PCDHGA11: variants seen among roughly 807,000 people sequenced by gnomAD.
PCDHGA11 encodes protocadherin gamma subfamily A, 11, also known as protocadherin gamma-A11.
In PCDHGA11, 39 loss-of-function variants were observed where a neutral mutation model predicts 60.4. The ratio of observed to expected loss-of-function variants is 0.65; its 90% CI spans 0.50 to 0.84. The LOEUF is 0.84. Among genes scored for constraint, PCDHGA11 ranks in the 40% least tolerant of loss-of-function variants. The pLI, the probability that PCDHGA11 is intolerant of heterozygous loss-of-function variation, is 0.00. For synonymous variants in PCDHGA11, 533 were observed against 510.3 expected (o/e 1.04, Z -0.60); for missense variants, 1,165 against 1,197.7 (o/e 0.97, Z 0.40).
At chr5:141,502,534 C>T (rs565889110) in intron 2 of PCDHGA11, among the ~76,000 whole-genome samples, 10 of 152,074 alleles carry the variant, frequency 6.6e-5, no homozygotes, top group Non-Finnish European at 1.0e-4. Context: ...CGAGTTTGTT[C>T]GTGTGGTAAA....
rs2099698809 is a variant in PCDHGA11 at position 141,490,343 on chromosome 5, T to C, written c.2434-4464T>C. On this transcript the variant is annotated intron_variant, in intron 1 of 3. Transcript: ENST00000398587. This position sits in a 1 kb window ranked among gnomAD's most constrained non-coding sequence, Gnocchi z 5.4. ...CTAGAGAGCACACCAGTGGGCACAG[T>C]AGTGGGGTTGTTTAATGTGCGAGAC... The C allele has an allele frequency of 6.2e-7, 1 of 1,614,018 alleles. No individual in the cohort carries two copies. Among genetic ancestry groups the C allele is most frequent in the Admixed American group, 1.7e-5 (1 of 60,006 alleles).
At chr5:141,426,010 C>T (rs2096909211) in intron 1 of PCDHGA11, among the ~76,000 whole-genome samples, 1 of 152,178 alleles carries the variant, frequency 6.6e-6, no homozygotes, top group Non-Finnish European at 1.5e-5. Flanking sequence ...CTTCCGGCTG[C>T]AGTTTTCTAA....
chr5:141,465,454 T>A (rs1031876441), intron 1 of PCDHGA11, among the ~76,000 whole-genome samples: 1 of 152,184 alleles, frequency 6.6e-6, no homozygotes, highest in Non-Finnish European at 1.5e-5. Flanking sequence ...AAGAAAACTC[T>A]CACCAAATTG....
At chr5:141,488,438 C>T (rs2099675393) in intron 1 of PCDHGA11, among the ~76,000 whole-genome samples, 1 of 152,146 alleles carries the variant, frequency 6.6e-6, no homozygotes, top group African/African-American at 2.4e-5. Flanking sequence ...CTCTGACCAC[C>T]CTCCTGGGTG....
Position 141,511,201 on chromosome 5 carries a change from G to A in PCDHGA11, c.*28G>A, listed in dbSNP as rs2099883661. On this transcript the variant is annotated 3_prime_UTR_variant, in exon 4 of 4. Transcript: ENST00000398587. ...TGGAGGCCAGGCCAAGAGCCACAGG[G>A]CGGCCTCTCCCCAACCAGCCCAGCT... 2 of 1,612,600 alleles carry A rather than the reference G, an allele frequency of 1.2e-6. No homozygotes were observed. The highest frequency in any genetic ancestry group is 1.7e-6 in the Non-Finnish European group (2 of 1,179,344).
chr5:141,481,434 A>C (rs1374254063), intron 1 of PCDHGA11, among the ~76,000 whole-genome samples: 1 of 152,256 alleles, frequency 6.6e-6, no homozygotes, highest in East Asian at 1.9e-4. Context: ...TGATTGTATC[A>C]GTTTAGTACA....
intron 1 of PCDHGA11, among the ~76,000 whole-genome samples, chr5:141,437,490 A>C (rs549866784): frequency 6.6e-6 from 1 of 152,190 alleles, no homozygotes; most frequent in African/African-American, 2.4e-5. Flanking sequence ...AATCTCGTAG[A>C]TCACTTTTCA....
chr5:141,454,101 A>T (rs2098781558), intron 1 of PCDHGA11, among the ~76,000 whole-genome samples: 1 of 152,256 alleles, frequency 6.6e-6, no homozygotes. Flanking sequence ...ATTGAACATA[A>T]ATGGAGTTAT....
Position 141,423,250 on chromosome 5 carries a change from G to T in PCDHGA11, c.2023G>T (p.Asp675Tyr). 6.2e-7 allele frequency: 1 copy of T among 1,613,954 alleles called. No individual in the cohort carries two copies. Among genetic ancestry groups the T allele is most frequent in the Non-Finnish European group, 8.5e-7 (1 of 1,180,012 alleles). Reference sequence around the variant, plus strand: ...CGACAGCATCCCCGAAGTCCTGGCGGACCTCGGCAGCCTCGAGTCTCTGGC... The same window carrying T: ...CGACAGCATCCCCGAAGTCCTGGCGTACCTCGGCAGCCTCGAGTCTCTGGC... ...VADSIPEVLADLGSLESLANS... is the reference protein window; with the variant it reads ...VADSIPEVLAYLGSLESLANS... The change falls in exon 1 of 4, where the codon GAC becomes TAC. Residue 675 changes from aspartate (D) to tyrosine (Y), a missense_variant. Coordinates refer to ENST00000398587, the MANE Select transcript of PCDHGA11 (RefSeq NM_018914.3).
chr5:141,467,095 C>G (rs930625426), intron 1 of PCDHGA11, among the ~76,000 whole-genome samples: 2 of 150,094 alleles, frequency 1.3e-5, no homozygotes, highest in African/African-American at 4.9e-5. Context: ...CTCTGTCACA[C>G]AGGCTGGAGT....
rs73280920 is a variant in PCDHGA11 at position 141,453,809 on chromosome 5, A to G, written c.2433+30149A>G. Among the ~76,000 whole-genome samples, 1,254 of 152,338 alleles carry G rather than the reference A, an allele frequency of 8.2e-3. 17 individuals carry two copies. Among genetic ancestry groups the G allele is most frequent in the African/African-American group, 0.029 (1,191 of 41,572 alleles). On this transcript the variant is annotated intron_variant, in intron 1 of 3. Coordinates refer to ENST00000398587, the MANE Select transcript of PCDHGA11 (RefSeq NM_018914.3). ...GTATATTAACTTTGAGTAGTTCCATAAAGGACAAACTTGGCTGCTAGCCCT... is the reference window on the plus strand; with the variant it reads ...GTATATTAACTTTGAGTAGTTCCATGAAGGACAAACTTGGCTGCTAGCCCT...
intron 1 of PCDHGA11, among the ~76,000 whole-genome samples, chr5:141,483,611 A>G (rs2099583566): frequency 6.6e-6 from 1 of 151,952 alleles, no homozygotes; most frequent in South Asian, 2.1e-4. Context: ...TTACACCTCC[A>G]TCATTCCCAT....
Position 141,489,826 on chromosome 5 carries a change from C to T in PCDHGA11, c.2434-4981C>T, listed in dbSNP as rs1270077118. 1 of 1,614,186 alleles carries T rather than the reference C, an allele frequency of 6.2e-7. No individual in the cohort carries two copies. The highest frequency in any genetic ancestry group is 1.7e-5 in the Admixed American group (1 of 60,028). On this transcript the variant is annotated intron_variant, in intron 1 of 3. Coordinates refer to ENST00000398587, the MANE Select transcript of PCDHGA11 (RefSeq NM_018914.3). The surrounding 1 kb of genome is among the most constrained non-coding windows in gnomAD (Gnocchi z 4.5). ...TGGGAAGCCATTCCCAGAGCTGGTGCTAGAGCAGCAGCTGGATCGTGAAGC... is the reference window on the plus strand; with the variant it reads ...TGGGAAGCCATTCCCAGAGCTGGTGTTAGAGCAGCAGCTGGATCGTGAAGC...
chr5:141,430,881 A>G, intron 1 of PCDHGA11: 4 of 1,600,896 alleles, frequency 2.5e-6, no homozygotes, highest in Non-Finnish European at 3.4e-6. Flanking sequence ...GAGCTGGAGA[A>G]AGGCTCTAGG....
At position 141,489,599 on chromosome 5, in the gene PCDHGA11, A is replaced by T; in HGVS notation, c.2434-5208A>T. The T allele has an allele frequency of 6.2e-7, 1 of 1,614,020 alleles. No homozygotes were observed. The highest frequency in any genetic ancestry group is 8.5e-7 in the Non-Finnish European group (1 of 1,179,970). On this transcript the variant is annotated intron_variant, in intron 1 of 3. Coordinates refer to ENST00000398587, the MANE Select transcript of PCDHGA11 (RefSeq NM_018914.3). This position sits in a 1 kb window ranked among gnomAD's most constrained non-coding sequence, Gnocchi z 4.5. ...CACCCCCTGGAGCTAATCCGTGTAGAGGTAGAGATCCTGGATCTCAATGAC... is the reference window on the plus strand; with the variant it reads ...CACCCCCTGGAGCTAATCCGTGTAGTGGTAGAGATCCTGGATCTCAATGAC...
intron 1 of PCDHGA11, among the ~76,000 whole-genome samples, chr5:141,483,310 A>G (rs2099579870): frequency 6.6e-6 from 1 of 152,156 alleles, no homozygotes; most frequent in African/African-American, 2.4e-5. Context: ...GACTGGGGAC[A>G]TTGGGACTGG....
At chr5:141,447,773 T>C (rs2098551408) in intron 1 of PCDHGA11, among the ~76,000 whole-genome samples, 1 of 152,202 alleles carries the variant, frequency 6.6e-6, no homozygotes, top group African/African-American at 2.4e-5. Context: ...AATTATACTT[T>C]AATTGAAAAT....
chr5:141,438,591 C>CATATATATATAT (rs946798767), intron 1 of PCDHGA11, among the ~76,000 whole-genome samples: 3 of 75,560 alleles, frequency 4.0e-5, no homozygotes, highest in Non-Finnish European at 5.4e-5. Flanking sequence ...TACATACATA[C>CATATATATATAT]ATATATATAT....
intron 1 of PCDHGA11, chr5:141,478,679 C>T (rs1247027395): frequency 3.2e-6 from 5 of 1,551,382 alleles, no homozygotes; most frequent in East Asian, 2.4e-5. Flanking sequence ...TCAACTGGCC[C>T]TTCCTAGATC....
Sources: allele counts gnomAD v4.1 joint callset (sites outside exome capture counted in the v4.1 genomes callset), GRCh38; gene constraint gnomAD v4.1.1; non-coding constraint Gnocchi (gnomAD v3.1); transcripts MANE v1.5; gene names NCBI Gene and HGNC (gene_info 2026-07-23, HGNC 2026-07-21).